The following KSR2 variants were observed in gnomAD, a reference collection of about 807,000 sequenced individuals.
The protein encoded by KSR2 is kinase suppressor of ras 2.
A neutral mutation model predicts 107.8 loss-of-function variants in KSR2; 25 were observed. The observed-to-expected ratio is 0.23, with a 90% confidence interval of 0.17 to 0.32. KSR2 has a LOEUF of 0.32. Among genes scored for constraint, KSR2 ranks in the 10% least tolerant of loss-of-function variants. KSR2 has a pLI of 1.00. For missense variants in KSR2, 887 were observed against 1,268.9 expected (o/e 0.70, Z 4.57); for synonymous variants, 480 against 507.0 (o/e 0.95, Z 0.71).
intron 4 of KSR2, among the ~76,000 whole-genome samples, chr12:117,725,100 A>G (rs1887371683): frequency 1.3e-5 from 2 of 152,134 alleles, no homozygotes; most frequent in Admixed American, 6.5e-5. Context: ...ACACACACAC[A>G]CACACACACA....
intron 5 of KSR2, among the ~76,000 whole-genome samples, chr12:117,647,861 C>G (rs149788551): frequency 5.3e-5 from 8 of 152,108 alleles, no homozygotes; most frequent in Non-Finnish European, 8.8e-5. Flanking sequence ...CACACCACCA[C>G]GTCTGGCTTT....
At chr12:117,537,481 T>C (rs1876133683) in intron 10 of KSR2, among the ~76,000 whole-genome samples, 1 of 152,230 alleles carries the variant, frequency 6.6e-6, no homozygotes, top group African/African-American at 2.4e-5. Context: ...CTGCTAAGCT[T>C]TGTCCATGTA....
intron 3 of KSR2, among the ~76,000 whole-genome samples, chr12:117,806,798 A>C (rs886361547): frequency 2.0e-5 from 3 of 152,160 alleles, no homozygotes; most frequent in African/African-American, 7.2e-5. Context: ...CACTTTGTCT[A>C]ATCTTTTTGA....
At chr12:117,784,270 G>T (rs936057558) in intron 3 of KSR2, among the ~76,000 whole-genome samples, 1 of 152,096 alleles carries the variant, frequency 6.6e-6, no homozygotes, top group African/African-American at 2.4e-5. Flanking sequence ...CCCATACTGT[G>T]TCTCATGGTA....
intron 4 of KSR2, among the ~76,000 whole-genome samples, chr12:117,699,103 A>G (rs973013239): frequency 2.0e-5 from 3 of 152,140 alleles, no homozygotes; most frequent in African/African-American, 4.8e-5. Context: ...TTGTCTATTC[A>G]TTGGTTTATG....
intron 7 of KSR2, among the ~76,000 whole-genome samples, chr12:117,578,758 G>A (rs2136235226): frequency 6.6e-6 from 1 of 152,268 alleles, no homozygotes; most frequent in African/African-American, 2.4e-5. Context: ...GACTGTTTCT[G>A]TATTGTTTAC....
At chr12:117,838,679 C>T (rs190721356) in intron 3 of KSR2, among the ~76,000 whole-genome samples, 18 of 152,328 alleles carry the variant, frequency 1.2e-4, no homozygotes, top group Admixed American at 8.5e-4. Context: ...TTCACCCCCA[C>T]TACAGAGTTC....
intron 5 of KSR2, among the ~76,000 whole-genome samples, chr12:117,626,626 T>C (rs946360566): frequency 1.3e-5 from 2 of 152,234 alleles, no homozygotes; most frequent in African/African-American, 4.8e-5. Context: ...TACTTCCAAT[T>C]ATGTGATCAA....
At chr12:117,825,471 T>C (rs574578025) in intron 3 of KSR2, among the ~76,000 whole-genome samples, 1 of 152,310 alleles carries the variant, frequency 6.6e-6, no homozygotes, top group African/African-American at 2.4e-5. Flanking sequence ...ACTTTCCTTC[T>C]TCATGTAACC....
rs1373791697 is a variant in KSR2 at position 117,825,902 on chromosome 12, CGTGGATGG to C, written c.472+29518_472+29525del. On this transcript the variant is annotated intron_variant, in intron 3 of 19. Coordinates refer to ENST00000339824, the MANE Select transcript of KSR2 (RefSeq NM_173598.6). ...AGATGCATGCATGCATGCATAGATG[CGTGGATGG>C]GTGGATGGGTGGATGGGTGGGTGGG... 1.1e-3 allele frequency among the ~76,000 whole-genome samples: 111 copies of C among 100,372 alleles called. 1 individual carries two copies. Among genetic ancestry groups the C allele is most frequent in the African/African-American group, 3.7e-3 (98 of 26,540 alleles). 65.8% of individuals were successfully genotyped at this position (100,372 alleles called of 152,430 possible).
At chr12:117,927,118 T>C (rs540370709) in intron 1 of KSR2, among the ~76,000 whole-genome samples, 2 of 152,126 alleles carry the variant, frequency 1.3e-5, no homozygotes, top group East Asian at 1.9e-4. Flanking sequence ...TTGCCTGTAA[T>C]CAATCCCAGC....
chr12:117,796,117 G>C (rs931182332), intron 3 of KSR2, among the ~76,000 whole-genome samples: 4 of 138,792 alleles, frequency 2.9e-5, no homozygotes, highest in African/African-American at 1.0e-4. Context: ...TTGTAGAGAT[G>C]GGGGAGTCTC....
chr12:117,738,036 G>T (rs1182207743), intron 4 of KSR2, among the ~76,000 whole-genome samples: 1 of 152,088 alleles, frequency 6.6e-6, no homozygotes, highest in Non-Finnish European at 1.5e-5. Context: ...CCTCCACAGG[G>T]CTCCAAGCAC....
chr12:117,903,357 C>T (rs1894745819), intron 1 of KSR2, among the ~76,000 whole-genome samples: 1 of 152,164 alleles, frequency 6.6e-6, no homozygotes, highest in Admixed American at 6.5e-5. Flanking sequence ...AGGGTATGGC[C>T]ATTGAGTCAC....
At chr12:117,619,595 T>C (rs181422937) in intron 5 of KSR2, among the ~76,000 whole-genome samples, 19 of 151,890 alleles carry the variant, frequency 1.3e-4, no homozygotes, top group Non-Finnish European at 1.5e-5. Flanking sequence ...CCACATTTTC[T>C]TAATCCAGTC....
chr12:117,692,449 CATATATATATATATATATAT>C (rs57091494), intron 4 of KSR2, among the ~76,000 whole-genome samples: 1,103 of 84,240 alleles, frequency 0.013, 38 homozygotes, highest in African/African-American at 0.043. Flanking sequence ...CAACTTCACT[CATATATATATATATATATAT>C]ATATATATAT....
At chr12:117,843,049 C>G (rs1284855976) in intron 3 of KSR2, among the ~76,000 whole-genome samples, 1 of 151,928 alleles carries the variant, frequency 6.6e-6, no homozygotes, top group Admixed American at 6.6e-5. Flanking sequence ...AATCACAGTC[C>G]AGTACATATT....
intron 1 of KSR2, among the ~76,000 whole-genome samples, chr12:117,900,399 C>A (rs554380882): frequency 1.3e-5 from 2 of 152,292 alleles, no homozygotes; most frequent in East Asian, 3.9e-4. Context: ...AGGAAAGGTG[C>A]TGTGGTCAGT....
chr12:117,960,740 A>G (rs1896636945), intron 1 of KSR2, among the ~76,000 whole-genome samples: 1 of 151,960 alleles, frequency 6.6e-6, no homozygotes, highest in Non-Finnish European at 1.5e-5. Flanking sequence ...AACTGATATG[A>G]CAGCTTATCA....
Sources: gnomAD v4.1 joint callset for allele counts (sites outside exome capture counted in the v4.1 genomes callset) on GRCh38, gnomAD v4.1.1 for gene constraint, MANE v1.5 for transcripts, NCBI Gene and HGNC (gene_info 2026-07-23, HGNC 2026-07-21) for gene names.